DPH6: variants seen among roughly 807,000 people sequenced by gnomAD.
DPH6 encodes the protein diphthamine biosynthesis 6.
DPH6 carries 33 observed loss-of-function variants against 38.2 expected under a neutral mutation model. The ratio of observed to expected loss-of-function variants is 0.86; its 90% CI spans 0.65 to 1.15. The LOEUF is 1.15. Ranked by LOEUF, DPH6 falls within the 50% of genes most tolerant of loss-of-function variation. The pLI is 0.00. For synonymous variants in DPH6, 108 were observed against 103.0 expected, an observed-to-expected ratio of 1.05 and a Z score of -0.30; for missense variants, 325 against 320.0, an observed-to-expected ratio of 1.02 and a Z score of -0.12.
chr15:35,366,280 C>T (rs1207180966), downstream of DPH6, among the ~76,000 whole-genome samples: 1 of 145,854 alleles, frequency 6.9e-6, no homozygotes, highest in Non-Finnish European at 1.5e-5. Flanking sequence ...ATAAAATTTT[C>T]TGAAGGGGTC....
chr15:35,313,944 A>G (rs960870465), intron 3 of DPH6, among the ~76,000 whole-genome samples: 1 of 152,168 alleles, frequency 6.6e-6, no homozygotes, highest in African/African-American at 2.4e-5. Context: ...AAATGGACCA[A>G]TGGGATCATG....
intron 3 of DPH6, among the ~76,000 whole-genome samples, chr15:35,492,365 G>A (rs552460583): frequency 1.3e-5 from 2 of 152,234 alleles, no homozygotes; most frequent in East Asian, 3.9e-4. Context: ...GGACAATAAA[G>A]GAAGATTATT....
intron 3 of DPH6, among the ~76,000 whole-genome samples, chr15:35,494,721 T>C (rs890855785): frequency 2.0e-5 from 3 of 151,912 alleles, no homozygotes; most frequent in Admixed American, 6.6e-5. Context: ...AATCAATACA[T>C]CCTATCAACT....
intron 5 of DPH6, among the ~76,000 whole-genome samples, chr15:35,436,586 G>T (rs572528669): frequency 2.7e-5 from 4 of 148,928 alleles, no homozygotes; most frequent in South Asian, 2.2e-4. Flanking sequence ...TCTCATAAAA[G>T]AAAAAGTTTC....
chr15:35,298,753 G>A, intron 3 of DPH6: 1 of 1,500,840 alleles, frequency 6.7e-7, no homozygotes, highest in South Asian at 1.1e-5. Flanking sequence ...TGCCCCCCAA[G>A]TTAGCGAGGA....
At chr15:35,342,837 T>C (rs1350238234) in intron 3 of DPH6, among the ~76,000 whole-genome samples, 1 of 152,230 alleles carries the variant, frequency 6.6e-6, no homozygotes, top group Non-Finnish European at 1.5e-5. Flanking sequence ...GGTTCATTAA[T>C]TCATGGGTTA....
intron 5 of DPH6, among the ~76,000 whole-genome samples, chr15:35,447,217 G>A (rs1044627030): frequency 6.6e-6 from 1 of 152,128 alleles, no homozygotes; most frequent in African/African-American, 2.4e-5. Context: ...CACATCCAGA[G>A]TGTTCTCTCA....
the DPH6 span, among the ~76,000 whole-genome samples, chr15:35,179,005 G>A: frequency 6.6e-6 from 1 of 151,796 alleles, no homozygotes; most frequent in Non-Finnish European, 1.5e-5. Context: ...TTGGGAGTTC[G>A]AGACCAGCCT....
chr15:35,300,056 G>A (rs1247542389), intron 3 of DPH6, among the ~76,000 whole-genome samples: 1 of 152,202 alleles, frequency 6.6e-6, no homozygotes, highest in Non-Finnish European at 1.5e-5. Context: ...GAAGTGGTGA[G>A]AAGTGAATGG....
chr15:35,424,281 G>A (rs1175120015), intron 5 of DPH6, among the ~76,000 whole-genome samples: 1 of 151,464 alleles, frequency 6.6e-6, no homozygotes, highest in Admixed American at 6.6e-5. Context: ...TCACTTCTTG[G>A]TTAAGATTAT....
chr15:35,476,828 A>G (rs2054269794), intron 3 of DPH6, among the ~76,000 whole-genome samples: 1 of 151,998 alleles, frequency 6.6e-6, no homozygotes, highest in East Asian at 1.9e-4. Flanking sequence ...TTCATCAAAT[A>G]CAAAGTTATA....
At chr15:35,521,374 ATAGAC>A in intron 3 of DPH6, 6 of 1,043,924 alleles carry the variant, frequency 5.7e-6, no homozygotes, top group Non-Finnish European at 6.9e-6. Flanking sequence ...CTTTATATAA[ATAGAC>A]TATATCATCT....
intron 3 of DPH6, among the ~76,000 whole-genome samples, chr15:35,484,828 T>C (rs1265256836): frequency 1.3e-5 from 2 of 152,220 alleles, no homozygotes; most frequent in Admixed American, 6.5e-5. Flanking sequence ...ATTAGTTATA[T>C]TATTCCTTCC....
exon 4 of DPH6, chr15:35,219,652 T>A (rs2140383388): frequency 6.6e-6 from 1 of 152,238 alleles, no homozygotes; most frequent in East Asian, 1.9e-4. Context: ...CATGTTGCAG[T>A]GAGTAATAAA....
the DPH6 span, among the ~76,000 whole-genome samples, chr15:35,188,139 TCA>T: frequency 6.6e-6 from 1 of 152,084 alleles, no homozygotes; most frequent in Non-Finnish European, 1.5e-5. Context: ...TAATAATTGG[TCA>T]CAGACAGTGC....
chr15:35,448,291 A>G (rs1276328587), intron 5 of DPH6, among the ~76,000 whole-genome samples: 22 of 152,168 alleles, frequency 1.4e-4, no homozygotes, highest in Admixed American at 1.4e-3. Flanking sequence ...ACTGGAAAGA[A>G]TGGATAATAG....
chr15:35,301,340 A>G (rs1242599817), intron 3 of DPH6, among the ~76,000 whole-genome samples: 1 of 152,242 alleles, frequency 6.6e-6, no homozygotes, highest in African/African-American at 2.4e-5. Flanking sequence ...TTATAACATG[A>G]TGCCTTAAGA....
At chr15:35,426,001 T>C (rs1225402269) in intron 5 of DPH6, among the ~76,000 whole-genome samples, 2 of 151,346 alleles carry the variant, frequency 1.3e-5, no homozygotes, top group African/African-American at 2.4e-5. Flanking sequence ...CTCCCCTTTA[T>C]AAACTGAGCA....
At chr15:35,509,504 C>T (rs2054739160) in intron 3 of DPH6, among the ~76,000 whole-genome samples, 1 of 152,278 alleles carries the variant, frequency 6.6e-6, no homozygotes, top group African/African-American at 2.4e-5. Flanking sequence ...AACAATAAAA[C>T]AGCAGGATAA....
Sources: allele counts gnomAD v4.1 joint callset (sites outside exome capture counted in the v4.1 genomes callset), GRCh38; gene constraint gnomAD v4.1.1; transcripts MANE v1.5; gene names NCBI Gene and HGNC (gene_info 2026-07-23, HGNC 2026-07-21).